Variants in CACNA1H observed in about 807,000 individuals in gnomAD.
CACNA1H encodes the protein calcium voltage-gated channel subunit alpha1 H.
In CACNA1H, 149 loss-of-function variants were observed where a neutral mutation model predicts 192.5. The ratio of observed to expected loss-of-function variants is 0.77; its 90% CI spans 0.68 to 0.89. The LOEUF (loss-of-function observed/expected upper bound fraction) is 0.89. Among genes scored for constraint, CACNA1H ranks in the 40% least tolerant of loss-of-function variants. The pLI, the probability that CACNA1H is intolerant of heterozygous loss-of-function variation, is 0.00. For missense variants in CACNA1H, 4,257 were observed against 3,423.5 expected, an observed-to-expected ratio of 1.24 and a Z score of -6.08; for synonymous variants, 2,202 against 1,475.2, an observed-to-expected ratio of 1.49 and a Z score of -11.29.
chr16:1,185,594 G>GCA (rs1965924155), intron 2 of CACNA1H, among the ~76,000 whole-genome samples: 1 of 129,966 alleles, frequency 7.7e-6, no homozygotes, highest in Non-Finnish European at 1.7e-5. Context: ...TGAGTAGACG[G>GCA]TCAGCGTGCG....
chr16:1,171,628 T>A (rs924770402), intron 2 of CACNA1H, among the ~76,000 whole-genome samples: 1 of 152,140 alleles, frequency 6.6e-6, no homozygotes, highest in Non-Finnish European at 1.5e-5. Flanking sequence ...TGGGGTTCCC[T>A]CATTTCCAGT....
At chr16:1,174,895 G>T (rs1454944772) in intron 2 of CACNA1H, among the ~76,000 whole-genome samples, 1 of 152,020 alleles carries the variant, frequency 6.6e-6, no homozygotes, top group Non-Finnish European at 1.5e-5. Context: ...GCAGGGGGCC[G>T]GCGGGAGGCC....
In CACNA1H at chr16:1,195,490, C is replaced by A; in HGVS notation, c.470C>A (p.Ala157Asp). Residue 157 changes from alanine to aspartate, a missense_variant, in exon 4 of 35, where the codon GCC becomes GAC. By Grantham distance (126) the Ala-to-Asp change is moderately radical. Transcript: ENST00000348261. ...FAVEMVIKMV[A>D]LGLFGQKCYL... ...GTGGAGATGGTCATCAAGATGGTGG[C>A]CTTGGGGCTGTTCGGGCAGAAGTGT... 1.3e-6 allele frequency: 2 copies of A among 1,594,478 alleles called. No individual in the cohort carries two copies. The highest frequency in any genetic ancestry group is 1.7e-6 in the Non-Finnish European group (2 of 1,170,476).
In CACNA1H at chr16:1,221,687, G is replaced by C. The variant is rs755809729; in HGVS notation, c.*693G>C. The stretch of plus-strand genomic sequence containing the variant: ...TGCTTTTAAATTCAGGTTAAATGTT[G>C]CAATAATCTGATGCAGAAGACTCAG... On this transcript the variant is annotated 3_prime_UTR_variant, in exon 35 of 35. Transcript: ENST00000348261. 1.9e-4 allele frequency: 225 copies of C among 1,189,142 alleles called. No individual in the cohort carries two copies. Among genetic ancestry groups the C allele is most frequent in the Non-Finnish European group, 2.4e-4 (211 of 861,302 alleles). The allele number at this position is 1,189,142 out of a possible 1,614,324, so 73.7% of individuals were successfully genotyped here. A position where few individuals can be genotyped will look rare whatever the true frequency, so the allele number is the denominator to read the frequency against.
At chr16:1,189,743 T>C (rs1343458450) in intron 2 of CACNA1H, among the ~76,000 whole-genome samples, 2 of 151,384 alleles carry the variant, frequency 1.3e-5, no homozygotes, top group Non-Finnish European at 2.9e-5. Flanking sequence ...GATTATAGAG[T>C]GTGGGGCTGA....
chr16:1,204,597 G>A (rs1040070815), intron 10 of CACNA1H, 139 bp downstream of exon 10: 4 of 654,694 alleles, frequency 6.1e-6, no homozygotes, highest in Admixed American at 3.1e-5. Flanking sequence ...CGGGGATGGT[G>A]AGGATAGGAG....
At position 1,211,290 on chromosome 16, in the gene CACNA1H, T is replaced by C; in HGVS notation, c.4346T>C (p.Val1449Ala). The C allele has an allele frequency of 6.2e-7, 1 of 1,612,904 alleles. No homozygotes were observed. Among genetic ancestry groups the C allele is most frequent in the Non-Finnish European group, 8.5e-7 (1 of 1,179,696 alleles). Residue 1449 changes from valine to alanine, a missense_variant, in exon 22 of 35, where the codon GTG becomes GCG. Val to Ala is a moderately conservative substitution (Grantham distance 64, BLOSUM62 0). Coordinates refer to ENST00000348261, the MANE Select transcript of CACNA1H (RefSeq NM_021098.3). The part of the protein sequence containing the change: ...AFFIIFGILG[V>A]QLFKGKFYYC... ...TTCATCATTTTTGGCATTTTGGGTG[T>C]GCAGGTGTGTGGCCCCCACGTGCCC... is the stretch of plus-strand genomic sequence containing the variant.
At chr16:1,213,683 C>T (rs1969723855) in intron 26 of CACNA1H, 97 bp from the exon 27 acceptor site, 6 of 933,698 alleles carry the variant, frequency 6.4e-6, no homozygotes, top group Non-Finnish European at 9.2e-6. Context: ...CCAACTTCTA[C>T]CCTACACTTG....
chr16:1,199,628 G>A (rs1330966045), intron 6 of CACNA1H, among the ~76,000 whole-genome samples: 4 of 145,544 alleles, frequency 2.7e-5, no homozygotes, highest in South Asian at 2.2e-4. Flanking sequence ...CCCTTGCTCT[G>A]CAGTCTCTCC....
intron 8 of CACNA1H, 54 bp downstream of exon 8, chr16:1,200,862 G>T: frequency 7.2e-7 from 1 of 1,384,090 alleles, no homozygotes. Context: ...AGCTGGCTGG[G>T]GGTGGGGTGG....
At chr16:1,213,123 G>A (rs867949174) in intron 26 of CACNA1H, among the ~76,000 whole-genome samples, 15 of 152,244 alleles carry the variant, frequency 9.9e-5, no homozygotes, top group African/African-American at 3.6e-4. Flanking sequence ...GGCGGGCGCC[G>A]ACTTCAGATG....
intron 2 of CACNA1H, among the ~76,000 whole-genome samples, chr16:1,174,308 G>A (rs1489867025): frequency 3.3e-5 from 5 of 152,328 alleles, no homozygotes; most frequent in South Asian, 2.1e-4. Flanking sequence ...CTCCTGGAGC[G>A]CACCCTTGGT....
At chr16:1,215,784 C>T (rs544836177) in intron 30 of CACNA1H, among the ~76,000 whole-genome samples, 191 bp downstream of exon 30, 1 of 152,324 alleles carries the variant, frequency 6.6e-6, no homozygotes, top group East Asian at 1.9e-4. Flanking sequence ...CCGCTGCCCT[C>T]TGGCCTCAAT....
Position 1,211,508 on chromosome 16 carries a change from G to A in CACNA1H, c.4378G>A (p.Glu1460Lys), listed in dbSNP as rs755817927. 1.5e-4 allele frequency: 235 copies of A among 1,612,340 alleles called. No individual in the cohort carries two copies. Among genetic ancestry groups the A allele is most frequent in the Middle Eastern group, 1.6e-4 (1 of 6,084 alleles). The change falls in exon 23 of 35, where the codon GAG becomes AAG. Residue 1460 changes from glutamate to lysine, a missense_variant. Physicochemically the swap from Glu to Lys is moderately conservative, Grantham distance 56 (BLOSUM62 1). Coordinates refer to ENST00000348261, the MANE Select transcript of CACNA1H (RefSeq NM_021098.3). ...QLFKGKFYYC[E>K]GPDTRNISTK... ...CTTCAAAGGGAAGTTCTACTACTGC[G>A]AGGGCCCCGACACCAGGAACATCTC... is the stretch of plus-strand genomic sequence containing the variant.
intron 2 of CACNA1H, 39 bp from the exon 3 acceptor site, chr16:1,194,933 C>T (rs1005628480): frequency 3.3e-6 from 5 of 1,499,852 alleles, no homozygotes; most frequent in Non-Finnish European, 4.6e-6. Context: ...GGAGCGGGTC[C>T]CGGGCCGCGC....
Position 1,204,428 on chromosome 16 carries a change from G to C in CACNA1H, c.2421G>C (p.Thr807=), listed in dbSNP as rs761461229. The C allele has an allele frequency of 5.2e-6, 8 of 1,548,668 alleles. No homozygotes were observed. In the East Asian group the frequency reaches 1.4e-4, roughly 26 times the overall value. Residue 807 remains threonine, a synonymous_variant, in exon 10 of 35, where the codon ACG becomes ACC. Coordinates refer to ENST00000348261, the MANE Select transcript of CACNA1H (RefSeq NM_021098.3). ...TCATGATGGCCATCCTTGTCAACAC[G>C]CTGAGCATGGGCGTGGAGTACCATG... ...RGIMMAILVN[T]LSMGVEYHEQ...
intron 2 of CACNA1H, among the ~76,000 whole-genome samples, chr16:1,175,139 A>G (rs1273555795): frequency 1.3e-5 from 2 of 151,936 alleles, no homozygotes; most frequent in Non-Finnish European, 2.9e-5. Context: ...CCACTGCCCC[A>G]CGTAATGCCC....
intron 6 of CACNA1H, 169 bp downstream of exon 6, chr16:1,198,943 C>A (rs1331623305): frequency 1.9e-5 from 12 of 637,136 alleles, no homozygotes; most frequent in Non-Finnish European, 3.0e-5. Context: ...TCTCCCGCCC[C>A]CACCCCCCAT....
At chr16:1,162,598 A>G (rs1411253792) in intron 2 of CACNA1H, among the ~76,000 whole-genome samples, 1 of 149,586 alleles carries the variant, frequency 6.7e-6, no homozygotes, top group East Asian at 2.0e-4. Context: ...TGCCCTGGTT[A>G]GAAGCTGCCC....
Sources: gnomAD v4.1 joint callset for allele counts (sites outside exome capture counted in the v4.1 genomes callset) on GRCh38, gnomAD v4.1.1 for gene constraint, MANE v1.5 for transcripts, NCBI Gene and HGNC (gene_info 2026-07-23, HGNC 2026-07-21) for gene names.